Variants in COL23A1 observed in about 807,000 individuals in gnomAD.
The protein encoded by COL23A1 is collagen type XXIII alpha 1 chain, also known as collagen alpha-1(XXIII) chain.
COL23A1 carries 97 observed loss-of-function variants against 99.3 expected under a neutral mutation model. The ratio of observed to expected loss-of-function variants is 0.98; its 90% CI spans 0.83 to 1.16. The LOEUF (loss-of-function observed/expected upper bound fraction) is 1.16, where lower values mean the gene tolerates loss of function less well. Among genes scored for constraint, COL23A1 ranks in the 50% most tolerant of loss-of-function variants. The probability of loss-of-function intolerance (pLI) is 0.00; values close to 1 mark genes in which losing one functional copy is unlikely to be tolerated. For missense variants in COL23A1, 762 were observed against 757.4 expected (o/e 1.01, Z -0.07); for synonymous variants, 320 against 308.2 (o/e 1.04, Z -0.40).
chr5:178,266,385 A>ATG (rs371796052), intron 8 of COL23A1, among the ~76,000 whole-genome samples: 46 of 151,660 alleles, frequency 3.0e-4, no homozygotes, highest in African/African-American at 6.3e-4. Context: ...GTGTGCGCAT[A>ATG]TGTGTGTGTG....
At chr5:178,507,427 C>T (rs563635316) in intron 2 of COL23A1, among the ~76,000 whole-genome samples, 94 of 152,378 alleles carry the variant, frequency 6.2e-4, no homozygotes, top group African/African-American at 1.9e-3. Flanking sequence ...CTCCCCCTCA[C>T]TGTGAAACCG....
At chr5:178,397,664 C>T (rs1190133702) in intron 2 of COL23A1, among the ~76,000 whole-genome samples, 1 of 152,250 alleles carries the variant, frequency 6.6e-6, no homozygotes, top group South Asian at 2.1e-4. Flanking sequence ...TGCGAATCCA[C>T]TGCAAGTGAA....
At chr5:178,397,582 G>A (rs983591800) in intron 2 of COL23A1, among the ~76,000 whole-genome samples, 21 of 152,218 alleles carry the variant, frequency 1.4e-4, no homozygotes, top group African/African-American at 4.8e-4. Context: ...GTTAGACAGC[G>A]CCTGGATAAC....
chr5:178,387,086 C>T lies in COL23A1; in HGVS notation c.362-80167G>A, dbSNP rs943429155. 1.3e-5 allele frequency among the ~76,000 whole-genome samples: 2 copies of T among 152,104 alleles called. No individual in the cohort carries two copies. Among genetic ancestry groups the T allele is most frequent in the African/African-American group, 4.8e-5 (2 of 41,404 alleles). On this transcript the variant is annotated intron_variant, in intron 2 of 28. Transcript: ENST00000390654. This position sits in a 1 kb window ranked among gnomAD's most constrained non-coding sequence, Gnocchi z 4.7. The stretch of plus-strand genomic sequence containing the variant: ...ACTTCCTGGCACTCTGCACCCCCAC[C>T]TTATTTCTCTCCCACGGCAGCTTCT...
intron 2 of COL23A1, among the ~76,000 whole-genome samples, chr5:178,542,029 T>C (rs185511068): frequency 2.0e-5 from 3 of 152,202 alleles, no homozygotes; most frequent in Non-Finnish European, 2.9e-5. Flanking sequence ...TACATCTTTT[T>C]ATTGTTGTTT....
At chr5:178,427,385 T>A (rs955510466) in intron 2 of COL23A1, among the ~76,000 whole-genome samples, 4 of 152,178 alleles carry the variant, frequency 2.6e-5, no homozygotes, top group African/African-American at 9.7e-5. Context: ...CTAAACATAC[T>A]CTTGCCATAT....
At chr5:178,534,531 A>T (rs1299310339) in intron 2 of COL23A1, among the ~76,000 whole-genome samples, 1 of 152,148 alleles carries the variant, frequency 6.6e-6, no homozygotes, top group Non-Finnish European at 1.5e-5. Context: ...TGTTAATCCC[A>T]GCAATTTGGG....
At position 178,498,925 on chromosome 5, in the gene COL23A1, T is replaced by TAA. The variant is rs36048620; in HGVS notation, c.361+61755_361+61756dup. On this transcript the variant is annotated intron_variant, in intron 2 of 28. Coordinates refer to ENST00000390654, the MANE Select transcript of COL23A1 (RefSeq NM_173465.4). ...GCCAACGGTGAAACCCCATCTCTTC[T>TAA]AAAAAAAAAAAAAAATTAATCAGAC... Among the ~76,000 whole-genome samples the TAA allele has an allele frequency of 4.2e-3, 603 of 145,092 alleles. 1 individual carries two copies. The highest frequency in any genetic ancestry group is 0.015 in the African/African-American group (578 of 39,230).
chr5:178,262,970 G>A (rs1258562272), intron 9 of COL23A1, among the ~76,000 whole-genome samples: 4 of 152,148 alleles, frequency 2.6e-5, no homozygotes, highest in African/African-American at 9.7e-5. Context: ...GTTCGAATGG[G>A]ATTAAGGGTC....
intron 2 of COL23A1, among the ~76,000 whole-genome samples, chr5:178,528,876 T>G (rs80002518): frequency 0.034 from 5,245 of 152,320 alleles, 292 homozygotes; most frequent in African/African-American, 0.12. Context: ...AGAGGTGTTT[T>G]GTGTCCACTG....
chr5:178,356,139 C>CT (rs1035622603), intron 2 of COL23A1, among the ~76,000 whole-genome samples: 25 of 152,300 alleles, frequency 1.6e-4, no homozygotes, highest in African/African-American at 5.5e-4. Context: ...GGGCCCCACT[C>CT]TAAGAAATGT....
intron 2 of COL23A1, among the ~76,000 whole-genome samples, chr5:178,520,285 A>T (rs1192501968): frequency 1.3e-5 from 2 of 152,198 alleles, no homozygotes; most frequent in African/African-American, 4.8e-5. Flanking sequence ...GCCAGAGCAG[A>T]GGCTCGGTGG....
chr5:178,458,286 C>G (rs1755909282), intron 2 of COL23A1, among the ~76,000 whole-genome samples: 1 of 152,176 alleles, frequency 6.6e-6, no homozygotes, highest in African/African-American at 2.4e-5. Context: ...GGTAGCTGAA[C>G]AGTGGATGCA....
At chr5:178,538,344 C>T (rs990007590) in intron 2 of COL23A1, among the ~76,000 whole-genome samples, 2 of 152,142 alleles carry the variant, frequency 1.3e-5, no homozygotes, top group African/African-American at 2.4e-5. Context: ...CAGGGACCCA[C>T]GCTTTTATAA....
chr5:178,576,512 C>A (rs1276245299), intron 1 of COL23A1, among the ~76,000 whole-genome samples: 1 of 152,196 alleles, frequency 6.6e-6, no homozygotes, highest in Non-Finnish European at 1.5e-5. Context: ...GGATTACGGG[C>A]GTGAGCCACC....
chr5:178,270,290 G>A, intron 6 of COL23A1, 47 bp downstream of exon 6: 1 of 1,612,052 alleles, frequency 6.2e-7, no homozygotes, highest in Non-Finnish European at 8.5e-7. Flanking sequence ...GCCCCACGGT[G>A]GCAGCCCCAG....
At chr5:178,558,991 C>G (rs1221348231) in intron 2 of COL23A1, among the ~76,000 whole-genome samples, 1 of 152,046 alleles carries the variant, frequency 6.6e-6, no homozygotes, top group Admixed American at 6.6e-5. Context: ...GGTTTCACCA[C>G]GTTGGCCAGA....
chr5:178,288,032 CG>C (rs1554132098), intron 5 of COL23A1, among the ~76,000 whole-genome samples: 1 of 152,204 alleles, frequency 6.6e-6, no homozygotes, highest in Non-Finnish European at 1.5e-5. Flanking sequence ...CGCCACAGTG[CG>C]GGGGCTGGAC....
At position 178,526,457 on chromosome 5, in the gene COL23A1, G is replaced by A. The variant is rs72810608; in HGVS notation, c.361+34225C>T. Among the ~76,000 whole-genome samples the A allele has an allele frequency of 5.9e-3, 891 of 152,294 alleles. 4 individuals carry two copies. Among genetic ancestry groups the A allele is most frequent in the Non-Finnish European group, 7.9e-3 (534 of 68,014 alleles). On this transcript the variant is annotated intron_variant, in intron 2 of 28. Coordinates refer to ENST00000390654, the MANE Select transcript of COL23A1 (RefSeq NM_173465.4). ...GGGCCTGGTGGGGAAGTGTTTGCCTGAGAATGAGGCCAACACACAGGACTG... is the reference window on the plus strand; with the variant it reads ...GGGCCTGGTGGGGAAGTGTTTGCCTAAGAATGAGGCCAACACACAGGACTG...
Sources: gnomAD v4.1 joint callset for allele counts (sites outside exome capture counted in the v4.1 genomes callset) on GRCh38, gnomAD v4.1.1 for gene constraint, Gnocchi (gnomAD v3.1) non-coding constraint, MANE v1.5 for transcripts, NCBI Gene and HGNC (gene_info 2026-07-23, HGNC 2026-07-21) for gene names.